Variants in TUFT1 observed in about 807,000 individuals in gnomAD.
The protein encoded by TUFT1 is tuftelin.
In TUFT1, 43 loss-of-function variants were observed where a neutral mutation model predicts 57.8. The observed-to-expected ratio is 0.74, with a 90% CI of 0.58 to 0.96. The LOEUF (loss-of-function observed/expected upper bound fraction) is 0.96, where lower values mean the gene tolerates loss of function less well. Among genes scored for constraint, TUFT1 ranks in the 40% least tolerant of loss-of-function variants. TUFT1 has a pLI of 0.00. For synonymous variants in TUFT1, 166 were observed against 176.7 expected (o/e 0.94, Z 0.48); for missense variants, 459 against 489.0 (o/e 0.94, Z 0.58).
chr1:151,561,824 G>A (rs1384471204), intron 1 of TUFT1: 1 of 1,448,058 alleles, frequency 6.9e-7, no homozygotes, highest in Non-Finnish European at 9.2e-7. Context: ...AACCAGGGTA[G>A]CCCTGCTGGA....
intron 1 of TUFT1, among the ~76,000 whole-genome samples, chr1:151,551,869 A>G (rs904770349): frequency 6.6e-6 from 1 of 152,212 alleles, no homozygotes; most frequent in Non-Finnish European, 1.5e-5. Flanking sequence ...ATAGTAACAT[A>G]TATACAGAAA....
chr1:151,574,716 G>GA (rs1666392195), intron 8 of TUFT1, among the ~76,000 whole-genome samples, 195 bp from the exon 9 acceptor site: 1 of 152,188 alleles, frequency 6.6e-6, no homozygotes, highest in Non-Finnish European at 1.5e-5. Context: ...CAGGGCAGCT[G>GA]GGTGAGGCTG....
In TUFT1 at chr1:151,582,975, A is replaced by C. The variant is rs1666689245; in HGVS notation, c.*1268A>C. 6.7e-6 allele frequency: 1 copy of C among 149,722 alleles called. No homozygotes were observed. The highest frequency in any genetic ancestry group is 6.7e-5 in the Admixed American group (1 of 14,956). The allele number at this position is 149,722 out of a possible 1,614,324, so 9.3% of individuals were successfully genotyped here. A position where few individuals can be genotyped will look rare whatever the true frequency, so the allele number is the denominator to read the frequency against. On this transcript the variant is annotated 3_prime_UTR_variant, in exon 13 of 13. Coordinates refer to ENST00000368849, the MANE Select transcript of TUFT1 (RefSeq NM_020127.3). ...TTCTGAGACAGAGTCTCACTCTGTC[A>C]CCCAGGCTGGAGTGCAGTGGCGCGA...
rs940635805 is a variant in TUFT1 at position 151,574,944 on chromosome 1, G to C, written c.757G>C (p.Gly253Arg). 1 of 1,578,264 alleles carries C rather than the reference G, an allele frequency of 6.3e-7. No homozygotes were observed. Among genetic ancestry groups the C allele is most frequent in the East Asian group, 2.3e-5 (1 of 43,310 alleles). Residue 253 changes from glycine to arginine, a missense_variant, in exon 9 of 13, where the codon GGG (glycine) becomes CGG (arginine). Physicochemically the swap from Gly to Arg is moderately radical, Grantham distance 125. Coordinates refer to ENST00000368849, the MANE Select transcript of TUFT1 (RefSeq NM_020127.3). The stretch of plus-strand genomic sequence containing the variant: ...GGCCTTACTGGCGAAAGTGAGGGAA[G>C]GGGAGGTGGCCCTAGAGGAACTTCG... Reference protein sequence around the residue: ...HQALLAKVREGEVALEELRSN... With the variant: ...HQALLAKVREREVALEELRSN...
intron 1 of TUFT1, among the ~76,000 whole-genome samples, chr1:151,546,377 T>C (rs181910058): frequency 6.6e-6 from 1 of 152,352 alleles, no homozygotes; most frequent in East Asian, 1.9e-4. Context: ...AACAGCTTTA[T>C]TGAGATATAA....
chr1:151,568,592 G>A (rs1340064258), intron 6 of TUFT1, among the ~76,000 whole-genome samples: 1 of 152,142 alleles, frequency 6.6e-6, no homozygotes, highest in East Asian at 1.9e-4. Flanking sequence ...CCTTTTAAAG[G>A]CCATTGGCTC....
At chr1:151,575,912 CATATTG>C (rs1460866000) in intron 9 of TUFT1, among the ~76,000 whole-genome samples, 2 of 152,126 alleles carry the variant, frequency 1.3e-5, no homozygotes, top group Non-Finnish European at 2.9e-5. Context: ...ATACACGTGT[CATATTG>C]TAGCCTCCTT....
chr1:151,562,535 G>A lies in TUFT1; in HGVS notation c.136-50G>A, dbSNP rs763140764. 22 of 1,505,416 alleles carry A rather than the reference G, an allele frequency of 1.5e-5. No homozygotes were observed. In the South Asian group the frequency reaches 2.4e-4, roughly 17 times the overall value. The allele number at this position is 1,505,416 out of a possible 1,614,324, so 93.3% of individuals were successfully genotyped here. A position where few individuals can be genotyped will look rare whatever the true frequency, so the allele number is the denominator to read the frequency against. On this transcript the variant is annotated intron_variant, in intron 2 of 12. Coordinates refer to ENST00000368849, the MANE Select transcript of TUFT1 (RefSeq NM_020127.3). ...AGGAGTTCTGGGCTTGCCATGTGGT[G>A]TCTGAGCCATCTCTCTCTCTCTCTC...
At chr1:151,577,442 T>C (rs1311492653) in intron 9 of TUFT1, among the ~76,000 whole-genome samples, 1 of 152,054 alleles carries the variant, frequency 6.6e-6, no homozygotes, top group African/African-American at 2.4e-5. Context: ...CACTCATCAG[T>C]CTTGGAGATG....
At chr1:151,575,068 A>C (rs908014803) in intron 9 of TUFT1, 63 bp downstream of exon 9, 1 of 1,419,004 alleles carries the variant, frequency 7.0e-7, no homozygotes, top group African/African-American at 1.4e-5. Context: ...CAGGCCATAC[A>C]GCCTGTTGCT....
At chr1:151,568,621 A>G (rs1036037079) in intron 6 of TUFT1, among the ~76,000 whole-genome samples, 20 of 152,222 alleles carry the variant, frequency 1.3e-4, no homozygotes, top group Admixed American at 2.6e-4. Context: ...ATTTAGGGAA[A>G]TTGACTGGAT....
At chr1:151,580,373 T>C (rs531528579) in intron 11 of TUFT1, among the ~76,000 whole-genome samples, 2 of 152,222 alleles carry the variant, frequency 1.3e-5, no homozygotes, top group South Asian at 4.1e-4. Flanking sequence ...AAAAATTATA[T>C]ATAGGGGCCA....
intron 1 of TUFT1, among the ~76,000 whole-genome samples, chr1:151,551,191 C>T (rs1665496167): frequency 6.6e-6 from 1 of 152,182 alleles, no homozygotes; most frequent in South Asian, 2.1e-4. Context: ...AGTCTTTGCT[C>T]AGTTTTTCCT....
chr1:151,562,605 C>T lies in TUFT1; in HGVS notation c.156C>T (p.Ala52=). The change falls in exon 3 of 13, where the codon GCC becomes GCT. Residue 52 remains alanine, a synonymous_variant. Transcript: ENST00000368849. ...GCCAGGCGGGCAGGAAGACCTATGCCATGGTGTCCAGCCACTCAGCTGGTC... is the reference window on the plus strand; with the variant it reads ...GCCAGGCGGGCAGGAAGACCTATGCTATGGTGTCCAGCCACTCAGCTGGTC... ...IAQKAGRKTY[A]MVSSHSAGHS... 6.2e-7 allele frequency: 1 copy of T among 1,612,532 alleles called. No homozygotes were observed. The highest frequency in any genetic ancestry group is 8.5e-7 in the Non-Finnish European group (1 of 1,179,966).
At chr1:151,546,311 A>C (rs1665337975) in intron 1 of TUFT1, among the ~76,000 whole-genome samples, 1 of 152,096 alleles carries the variant, frequency 6.6e-6, no homozygotes, top group African/African-American at 2.4e-5. Flanking sequence ...TTTATTTTTT[A>C]AATTAGAATT....
chr1:151,576,463 C>T (rs904170819), intron 9 of TUFT1, among the ~76,000 whole-genome samples: 16 of 152,186 alleles, frequency 1.1e-4, no homozygotes, highest in Non-Finnish European at 1.6e-4. Context: ...AAGGGCCAGT[C>T]CTGCAAGACT....
intron 11 of TUFT1, among the ~76,000 whole-genome samples, chr1:151,579,943 C>A (rs998246614): frequency 1.3e-5 from 2 of 152,198 alleles, no homozygotes; most frequent in African/African-American, 2.4e-5. Flanking sequence ...TGACCACCCC[C>A]CTGGCCCCAC....
intron 6 of TUFT1, among the ~76,000 whole-genome samples, chr1:151,567,620 G>A (rs6698282): frequency 0.6 from 91,704 of 151,962 alleles, 28,504 homozygotes; most frequent in Middle Eastern, 0.74. Flanking sequence ...ATCTTGGCTC[G>A]CTGCAACCTC....
At chr1:151,567,852 A>G (rs1354514908) in intron 6 of TUFT1, among the ~76,000 whole-genome samples, 1 of 152,178 alleles carries the variant, frequency 6.6e-6, no homozygotes, top group Non-Finnish European at 1.5e-5. Context: ...CGCCACCATT[A>G]CTGTATTTTT....
Sources: allele counts gnomAD v4.1 joint callset (sites outside exome capture counted in the v4.1 genomes callset), GRCh38; gene constraint gnomAD v4.1.1; transcripts MANE v1.5; gene names NCBI Gene and HGNC (gene_info 2026-07-23, HGNC 2026-07-21).